Variants in CCR3 observed in about 807,000 individuals in gnomAD.
CCR3 encodes the protein C-C chemokine receptor type 3.
For synonymous variants in CCR3, 203 were observed against 179.2 expected, an observed-to-expected ratio of 1.13 and a Z score of -1.06; for missense variants, 419 against 437.5, an observed-to-expected ratio of 0.96 and a Z score of 0.38.
Position 46,266,124 on chromosome 3 carries a change from G to C in CCR3, c.966G>C (p.Met322Ile), listed in dbSNP as rs1375873743. The change falls in exon 2 of 2, where the codon ATG (methionine) becomes ATC (isoleucine). Residue 322 changes from methionine (M) to isoleucine (I), a missense_variant. Met to Ile is a conservative substitution (Grantham distance 10). Coordinates refer to ENST00000395940, the MANE Select transcript of CCR3 (RefSeq NM_178329.3). ...LRHFFHRHLL[M>I]HLGRYIPFLP... is the part of the protein sequence containing the mutation. ...ACTTCTTCCACAGGCACTTGCTCAT[G>C]CACCTGGGCAGATACATCCCATTCC... The C allele has an allele frequency of 6.2e-7, 1 of 1,614,070 alleles. No homozygotes were observed. The highest frequency in any genetic ancestry group is 8.5e-7 in the Non-Finnish European group (1 of 1,180,002).
At chr3:46,262,660 A>T (rs1700547929) in intron 1 of CCR3, among the ~76,000 whole-genome samples, 1 of 151,792 alleles carries the variant, frequency 6.6e-6, no homozygotes, top group African/African-American at 2.4e-5. Context: ...TTATTTATTT[A>T]TTTATTTATT....
chr3:46,252,583 G>GTTT (rs1212552029), intron 1 of CCR3, among the ~76,000 whole-genome samples: 1 of 152,094 alleles, frequency 6.6e-6, no homozygotes, highest in Non-Finnish European at 1.5e-5. Flanking sequence ...GATACTCCAG[G>GTTT]TTTTTTGAGA....
chr3:46,242,719 T>C (rs1700105734), intron 1 of CCR3, among the ~76,000 whole-genome samples, 181 bp downstream of exon 1: 1 of 151,784 alleles, frequency 6.6e-6, no homozygotes, highest in Non-Finnish European at 1.5e-5. Flanking sequence ...ATTTTCTTCT[T>C]GCTTTTTCTA....
intron 1 of CCR3, among the ~76,000 whole-genome samples, chr3:46,245,518 A>G (rs540646101): frequency 6.6e-6 from 1 of 151,860 alleles, no homozygotes; most frequent in Non-Finnish European, 1.5e-5. Context: ...AAAACAAAAC[A>G]AAACAAAACC....
intron 1 of CCR3, among the ~76,000 whole-genome samples, chr3:46,243,008 C>CATATATATATATATATATATATAT (rs1248067512): frequency 8.7e-5 from 7 of 80,850 alleles, no homozygotes; most frequent in South Asian, 3.2e-4. Flanking sequence ...TATATACGCA[C>CATATATATATATATATATATATAT]ACACACATAC....
intron 1 of CCR3, among the ~76,000 whole-genome samples, chr3:46,245,038 G>A (rs940043731): frequency 6.6e-6 from 1 of 152,110 alleles, no homozygotes; most frequent in African/African-American, 2.4e-5. Flanking sequence ...GCTGGTGGGC[G>A]AAACCCTGTC....
intron 1 of CCR3, among the ~76,000 whole-genome samples, chr3:46,250,346 A>C (rs1700280819): frequency 6.6e-6 from 1 of 151,938 alleles, no homozygotes; most frequent in Non-Finnish European, 1.5e-5. Flanking sequence ...CAAGGAGGGG[A>C]GAGGTCAGAT....
intron 1 of CCR3, among the ~76,000 whole-genome samples, chr3:46,260,337 T>C (rs996834332): frequency 1.3e-5 from 2 of 152,200 alleles, no homozygotes; most frequent in Non-Finnish European, 1.5e-5. Flanking sequence ...TCTTAACTCA[T>C]TTCATCATTA....
intron 1 of CCR3, chr3:46,263,647 C>T (rs1700566295): frequency 6.6e-6 from 1 of 152,114 alleles, no homozygotes; most frequent in Non-Finnish European, 1.5e-5. Context: ...ACAGCTTTTT[C>T]TGGTTTCAAA....
chr3:46,265,890 C>T lies in CCR3; in HGVS notation c.732C>T (p.Ile244=). 1 of 1,614,150 alleles carries T rather than the reference C, an allele frequency of 6.2e-7. No individual in the cohort carries two copies. The highest frequency in any genetic ancestry group is 8.5e-7 in the Non-Finnish European group (1 of 1,180,006). ...KYKAIRLIFV[I]MAVFFIFWTP... is the part of the protein sequence containing the mutation. ...AGGCCATCCGGCTCATTTTTGTCAT[C>T]ATGGCGGTGTTTTTCATTTTCTGGA... Residue 244 remains isoleucine, a synonymous_variant, in exon 2 of 2, where the codon ATC becomes ATT. Coordinates refer to ENST00000395940, the MANE Select transcript of CCR3 (RefSeq NM_178329.3).
chr3:46,264,971 C>G lies in CCR3; in HGVS notation c.-11-177C>G, dbSNP rs1018022262. On this transcript the variant is annotated intron_variant, in intron 1 of 1. Transcript: ENST00000395940. The stretch of plus-strand genomic sequence containing the variant: ...TAACTTTGAAAGCTTCAGCTCTTTC[C>G]TTCCTCAATCCTTTTCCTGGCACCT... Among the ~76,000 whole-genome samples the G allele has an allele frequency of 4.0e-4, 61 of 152,170 alleles. 1 individual carries two copies. Among genetic ancestry groups the G allele is most frequent in the African/African-American group, 1.3e-3 (52 of 41,434 alleles).
In CCR3 at chr3:46,222,267, G is replaced by T. The variant is rs537954039; in HGVS notation, c.-68+11360G>T. On this transcript the variant is annotated intron_variant, in intron 2 of 3. Transcript: ENST00000357422. Reference sequence around the variant, plus strand: ...ATTCCTGGATGGCCATGGTGGAGGTGGGGAGATGGGGGTTTCATGGGGATA... The same window carrying T: ...ATTCCTGGATGGCCATGGTGGAGGTTGGGAGATGGGGGTTTCATGGGGATA... Among the ~76,000 whole-genome samples, 15 of 152,308 alleles carry T rather than the reference G, an allele frequency of 9.8e-5. No homozygotes were observed. In the East Asian group the frequency reaches 2.9e-3, roughly 29 times the overall value.
chr3:46,227,401 G>T (rs556873948), intron 2 of CCR3, among the ~76,000 whole-genome samples: 6 of 152,184 alleles, frequency 3.9e-5, no homozygotes, highest in South Asian at 2.1e-4. Flanking sequence ...CTTGCTAGAG[G>T]TTTATCACTT....
At chr3:46,225,092 A>T (rs1699879378) in intron 2 of CCR3, among the ~76,000 whole-genome samples, 1 of 152,240 alleles carries the variant, frequency 6.6e-6, no homozygotes, top group Non-Finnish European at 1.5e-5. Flanking sequence ...TACTATATAT[A>T]GTAATATAAA....
Position 46,265,728 on chromosome 3 carries a change from T to C in CCR3, c.570T>C (p.Asp190=). The C allele has an allele frequency of 6.2e-7, 1 of 1,613,908 alleles. No homozygotes were observed. The highest frequency in any genetic ancestry group is 1.1e-5 in the South Asian group (1 of 91,066). Residue 190 remains aspartate, a synonymous_variant, in exon 2 of 2, where the codon GAT becomes GAC. Coordinates refer to ENST00000395940, the MANE Select transcript of CCR3 (RefSeq NM_178329.3). ...TTTGCAGTGCTCTTTACCCAGAGGATACAGTATATAGCTGGAGGCATTTCC... is the reference window on the plus strand; with the variant it reads ...TTTGCAGTGCTCTTTACCCAGAGGACACAGTATATAGCTGGAGGCATTTCC... The part of the protein sequence containing the change: ...ETLCSALYPE[D]TVYSWRHFHT...
chr3:46,211,411 T>C (rs1377628533), intron 2 of CCR3, among the ~76,000 whole-genome samples: 2 of 150,828 alleles, frequency 1.3e-5, no homozygotes, highest in African/African-American at 4.9e-5. Context: ...TTTGTAGAAA[T>C]GGGTGTGTTA....
intron 2 of CCR3, among the ~76,000 whole-genome samples, chr3:46,228,008 T>C (rs1270345374): frequency 1.3e-5 from 2 of 152,172 alleles, no homozygotes; most frequent in Non-Finnish European, 2.9e-5. Context: ...AGCCCCTTCC[T>C]AGTCAACATA....
chr3:46,220,617 TAAC>T lies in CCR3; in HGVS notation c.-68+9711_-68+9713del, dbSNP rs1699825748. ...GGAACCAAAGTAAATGTCCGTCAAC[TAAC>T]GAGTGGATAAAGAAAATGTGATATA... On this transcript the variant is annotated intron_variant, in intron 2 of 3. Coordinates refer to the CCR3 transcript ENST00000357422. Among the ~76,000 whole-genome samples the T allele has an allele frequency of 1.1e-4, 17 of 152,284 alleles. No individual in the cohort carries two copies. In the South Asian group the frequency reaches 3.3e-3, roughly 30 times the overall value.
At chr3:46,218,745 A>T (rs1699802892) in intron 2 of CCR3, among the ~76,000 whole-genome samples, 1 of 152,202 alleles carries the variant, frequency 6.6e-6, no homozygotes, top group Non-Finnish European at 1.5e-5. Context: ...TCATCTCAAT[A>T]GATTCAGAAA....
Sources: gnomAD v4.1 joint callset for allele counts (sites outside exome capture counted in the v4.1 genomes callset) on GRCh38, gnomAD v4.1.1 for gene constraint, MANE v1.5 for transcripts, NCBI Gene and HGNC (gene_info 2026-07-23, HGNC 2026-07-21) for gene names.